The following ITGBL1 variants were observed in gnomAD, a reference collection of about 807,000 sequenced individuals.
The protein encoded by ITGBL1 is integrin subunit beta like 1.
A neutral mutation model predicts 68.5 loss-of-function variants in ITGBL1; 51 were observed. That is an observed-to-expected ratio of 0.74 (90% CI 0.59 to 0.94). The LOEUF (loss-of-function observed/expected upper bound fraction) is 0.94. ITGBL1 is among the 40% of genes least tolerant of loss of function. The pLI, the probability that ITGBL1 is intolerant of heterozygous loss-of-function variation, is 0.00. For synonymous variants in ITGBL1, 209 were observed against 227.3 expected, an observed-to-expected ratio of 0.92 and a Z score of 0.72; for missense variants, 649 against 647.4, an observed-to-expected ratio of 1.00 and a Z score of -0.03.
intron 7 of ITGBL1, among the ~76,000 whole-genome samples, chr13:101,681,899 A>G (rs2033652781): frequency 6.6e-6 from 1 of 152,078 alleles, no homozygotes; most frequent in Admixed American, 6.6e-5. Flanking sequence ...AAGAAGAGGC[A>G]GAGAAGGAGA....
At chr13:101,519,462 C>T (rs1398911036) in intron 2 of ITGBL1, among the ~76,000 whole-genome samples, 7 of 152,124 alleles carry the variant, frequency 4.6e-5, no homozygotes, top group Non-Finnish European at 8.8e-5. Flanking sequence ...TCTGCACTTA[C>T]TCTGCTTCTT....
intron 2 of ITGBL1, among the ~76,000 whole-genome samples, chr13:101,462,684 G>C (rs1416542320): frequency 6.6e-6 from 1 of 152,188 alleles, no homozygotes; most frequent in Non-Finnish European, 1.5e-5. Flanking sequence ...CCGGGGTCAA[G>C]TGATACTCCT....
intron 7 of ITGBL1, among the ~76,000 whole-genome samples, chr13:101,645,506 AT>A (rs2032529365): frequency 1.3e-5 from 2 of 152,086 alleles, no homozygotes; most frequent in South Asian, 4.2e-4. Context: ...GAAAAAAAAA[AT>A]TTGTCTCTAA....
intron 2 of ITGBL1, among the ~76,000 whole-genome samples, chr13:101,506,746 T>A (rs1468045959): frequency 2.0e-5 from 3 of 152,246 alleles, no homozygotes; most frequent in Non-Finnish European, 4.4e-5. Context: ...GCATTTTATT[T>A]TTTATTTCCT....
chr13:101,547,090 C>T (rs2049838750), intron 2 of ITGBL1, among the ~76,000 whole-genome samples: 1 of 151,774 alleles, frequency 6.6e-6, no homozygotes, highest in South Asian at 2.1e-4. Context: ...ACCAAGATTA[C>T]AAAAATAATG....
chr13:101,620,279 C>T (rs2139385685), intron 7 of ITGBL1, among the ~76,000 whole-genome samples: 1 of 152,144 alleles, frequency 6.6e-6, no homozygotes, highest in East Asian at 1.9e-4. Context: ...ATCAAAAGTA[C>T]AAAGTTAGTT....
At chr13:101,708,026 AACACACACACACACACAC>A (rs3062945) in intron 9 of ITGBL1, among the ~76,000 whole-genome samples, 100 of 144,440 alleles carry the variant, frequency 6.9e-4, no homozygotes, top group African/African-American at 2.5e-3. Context: ...CACACATGCA[AACACACACACACACACAC>A]ACACACACAC....
intron 2 of ITGBL1, among the ~76,000 whole-genome samples, chr13:101,496,686 G>C (rs930910593): frequency 5.3e-5 from 8 of 152,010 alleles, no homozygotes; most frequent in African/African-American, 1.9e-4. Context: ...ACTGCTCTCT[G>C]TCATTATAGC....
chr13:101,547,483 A>G (rs2049846390), intron 2 of ITGBL1, among the ~76,000 whole-genome samples: 3 of 151,944 alleles, frequency 2.0e-5, no homozygotes, highest in Admixed American at 2.0e-4. Flanking sequence ...ACCTCTTTGG[A>G]AGTATACAAA....
chr13:101,570,570 TA>T lies in ITGBL1; in HGVS notation c.463+2726del, dbSNP rs573482647. Among the ~76,000 whole-genome samples, 10 of 152,314 alleles carry T rather than the reference TA, an allele frequency of 6.6e-5. No individual in the cohort carries two copies. The South Asian group carries it at 2.1e-3, about 32-fold the overall frequency. ...TTGAAGCATAATACAATTTTTATTT[TA>T]TCTGAGCAAACAATGATTCATGAAT... On this transcript the variant is annotated intron_variant, in intron 3 of 10. Coordinates refer to ENST00000376180, the MANE Select transcript of ITGBL1 (RefSeq NM_004791.3).
At chr13:101,494,152 A>G (rs946458941) in intron 2 of ITGBL1, among the ~76,000 whole-genome samples, 2 of 152,200 alleles carry the variant, frequency 1.3e-5, no homozygotes, top group Middle Eastern at 3.2e-3. Flanking sequence ...CAAAAAGCAA[A>G]CAGGGGATTT....
intron 2 of ITGBL1, among the ~76,000 whole-genome samples, chr13:101,483,290 T>C (rs2048653686): frequency 6.6e-6 from 1 of 152,230 alleles, no homozygotes; most frequent in Non-Finnish European, 1.5e-5. Flanking sequence ...AATGGGATGT[T>C]CCAGTTGTCT....
At chr13:101,462,230 C>T (rs1039377236) in intron 2 of ITGBL1, among the ~76,000 whole-genome samples, 1 of 152,186 alleles carries the variant, frequency 6.6e-6, no homozygotes, top group Non-Finnish European at 1.5e-5. Flanking sequence ...GGAAAACATA[C>T]TCCACTTTTA....
intron 2 of ITGBL1, among the ~76,000 whole-genome samples, chr13:101,563,004 T>A (rs1345698812): frequency 6.6e-6 from 1 of 151,508 alleles, no homozygotes; most frequent in Admixed American, 6.6e-5. Context: ...AACAACACAC[T>A]TCTACATAAC....
intron 7 of ITGBL1, among the ~76,000 whole-genome samples, chr13:101,601,588 C>A (rs1335265421): frequency 1.3e-5 from 2 of 152,110 alleles, no homozygotes; most frequent in Admixed American, 1.3e-4. Flanking sequence ...TATAAATTTC[C>A]CTCTACACAC....
chr13:101,575,808 G>C (rs910062556), intron 4 of ITGBL1, among the ~76,000 whole-genome samples: 2 of 152,102 alleles, frequency 1.3e-5, no homozygotes, highest in Non-Finnish European at 2.9e-5. Context: ...CTCTGAAGTA[G>C]TCCTAGTAGA....
At chr13:101,605,847 T>A (rs895888857) in intron 7 of ITGBL1, among the ~76,000 whole-genome samples, 1 of 150,630 alleles carries the variant, frequency 6.6e-6, no homozygotes, top group Non-Finnish European at 1.5e-5. Context: ...TGCATATACA[T>A]ATGTATGTGT....
intron 7 of ITGBL1, among the ~76,000 whole-genome samples, chr13:101,665,186 A>G (rs957303681): frequency 3.9e-5 from 6 of 152,156 alleles, no homozygotes; most frequent in African/African-American, 1.2e-4. Context: ...AATTTTCTTA[A>G]CATGAAAACT....
chr13:101,511,028 T>C (rs1176750690), intron 2 of ITGBL1, among the ~76,000 whole-genome samples: 1 of 152,064 alleles, frequency 6.6e-6, no homozygotes, highest in Non-Finnish European at 1.5e-5. Flanking sequence ...CAATTTTTGT[T>C]TTTGTTGCAA....
Sources: allele counts gnomAD v4.1 joint callset (sites outside exome capture counted in the v4.1 genomes callset), GRCh38; gene constraint gnomAD v4.1.1; transcripts MANE v1.5; gene names NCBI Gene and HGNC (gene_info 2026-07-23, HGNC 2026-07-21).